The following CAMTA1 variants were observed in gnomAD, a reference collection of about 807,000 sequenced individuals.
CAMTA1 encodes calmodulin binding transcription activator 1.
In CAMTA1, 27 loss-of-function variants were observed where a neutral mutation model predicts 170.9. That is an observed-to-expected ratio of 0.16 (90% CI 0.12 to 0.22). The LOEUF (loss-of-function observed/expected upper bound fraction) is 0.22. Ranked by LOEUF, CAMTA1 falls within the 10% of genes least tolerant of loss-of-function variation. The pLI is 1.00. For missense variants in CAMTA1, 1,619 were observed against 2,217.2 expected (o/e 0.73, Z 5.42); for synonymous variants, 833 against 891.5 (o/e 0.93, Z 1.17).
intron 3 of CAMTA1, among the ~76,000 whole-genome samples, chr1:7,031,097 T>C (rs1702738238): frequency 6.6e-6 from 1 of 151,726 alleles, no homozygotes; most frequent in Admixed American, 6.6e-5. Flanking sequence ...TCCACCTGCC[T>C]TGGCCTCCCA....
chr1:7,091,317 A>G lies in CAMTA1; in HGVS notation c.248A>G (p.Tyr83Cys). Residue 83 changes from tyrosine (Y) to cysteine (C), a missense_variant, in exon 4 of 23, where the codon TAT (tyrosine) becomes TGT (cysteine). By Grantham distance (194) the Tyr-to-Cys change is radical (BLOSUM62 -2). Transcript: ENST00000303635. ...RWNTNEEIAA[Y>C]LITFEKHEEW... is the part of the protein sequence containing the mutation. ...CTTCTGTTTCAGGAAATTGCAGCTT[A>G]TTTAATAACATTTGAGAAACACGAA... The G allele has an allele frequency of 6.2e-7, 1 of 1,610,070 alleles. No homozygotes were observed. Among genetic ancestry groups the G allele is most frequent in the Non-Finnish European group, 8.5e-7 (1 of 1,176,266 alleles).
intron 3 of CAMTA1, among the ~76,000 whole-genome samples, chr1:7,088,652 G>A (rs1641066089): frequency 6.6e-6 from 1 of 152,144 alleles, no homozygotes; most frequent in Non-Finnish European, 1.5e-5. Flanking sequence ...AGTCTTCTTT[G>A]GATGTCCAGG....
At chr1:6,870,338 G>A (rs1668041286) in intron 3 of CAMTA1, among the ~76,000 whole-genome samples, 1 of 151,946 alleles carries the variant, frequency 6.6e-6, no homozygotes, top group African/African-American at 2.4e-5. Context: ...CTTTTCAGTA[G>A]CTATGCAACT....
chr1:7,277,772 C>T (rs2149440837), intron 5 of CAMTA1, among the ~76,000 whole-genome samples: 1 of 60,144 alleles, frequency 1.7e-5, no homozygotes, highest in Middle Eastern at 8.5e-3. Flanking sequence ...CACATACACA[C>T]ACTTTTTTTT....
chr1:7,133,325 T>G (rs1343166510), intron 4 of CAMTA1, among the ~76,000 whole-genome samples: 1 of 152,240 alleles, frequency 6.6e-6, no homozygotes, highest in African/African-American at 2.4e-5. Flanking sequence ...TCGTGTCTTT[T>G]AAGGATTTGT....
chr1:7,594,242 A>AAGGAAGGAAGGAAGGAAGG (rs59901874), intron 6 of CAMTA1, among the ~76,000 whole-genome samples: 4,961 of 123,434 alleles, frequency 0.04, 206 homozygotes, highest in South Asian at 0.07. Context: ...AGGAAGGAAG[A>AAGGAAGGAAGGAAGGAAGG]AAGAAAAGAA....
chr1:6,921,706 A>T (rs913648336), intron 3 of CAMTA1, among the ~76,000 whole-genome samples: 2 of 152,242 alleles, frequency 1.3e-5, no homozygotes, highest in African/African-American at 2.4e-5. Context: ...GGAGCAAGTC[A>T]CATCTTACAT....
rs184392164 is a variant in CAMTA1 at position 7,745,833 on chromosome 1, C to T, written c.4371-12C>T. The T allele has an allele frequency of 1.5e-4, 248 of 1,612,826 alleles. No individual in the cohort carries two copies. The African/African-American group carries it at 3.0e-3, about 19-fold the overall frequency. ...CATTAATCTGTCTCTCCTTTTTCTCCTCTTGTTTCAGAAGTGCATATAACG... is the reference window on the plus strand; with the variant it reads ...CATTAATCTGTCTCTCCTTTTTCTCTTCTTGTTTCAGAAGTGCATATAACG... On this transcript the variant is annotated splice_polypyrimidine_tract_variant and intron_variant, in intron 17 of 22. Coordinates refer to ENST00000303635, the MANE Select transcript of CAMTA1 (RefSeq NM_015215.4).
chr1:7,231,358 A>T (rs1477945932), intron 4 of CAMTA1, among the ~76,000 whole-genome samples: 1 of 107,450 alleles, frequency 9.3e-6, no homozygotes. Context: ...TGTGAGAGAG[A>T]GAGAGAGAGA....
chr1:7,508,535 C>G (rs938133069), intron 6 of CAMTA1, among the ~76,000 whole-genome samples: 3 of 152,212 alleles, frequency 2.0e-5, no homozygotes, highest in Non-Finnish European at 4.4e-5. Flanking sequence ...GTATGACCTC[C>G]CTGCTCACCC....
intron 6 of CAMTA1, among the ~76,000 whole-genome samples, chr1:7,505,411 C>T (rs557254899): frequency 5.3e-5 from 8 of 152,286 alleles, no homozygotes; most frequent in South Asian, 2.1e-4. Context: ...CAGTCCTGGG[C>T]GGCCCAGGAC....
Position 7,674,290 on chromosome 1 carries a change from C to T in CAMTA1, c.2779+3253C>T, listed in dbSNP as rs773463022. Among the ~76,000 whole-genome samples the T allele has an allele frequency of 1.3e-5, 2 of 152,090 alleles. No individual in the cohort carries two copies. Among genetic ancestry groups the T allele is most frequent in the African/African-American group, 2.4e-5 (1 of 41,422 alleles). On this transcript the variant is annotated intron_variant, in intron 10 of 22. Coordinates refer to ENST00000303635, the MANE Select transcript of CAMTA1 (RefSeq NM_015215.4). The surrounding 1 kb of genome is among the most constrained non-coding windows in gnomAD (Gnocchi z 4.1). ...GTGTCTTCTGCAAGACTCCAGGGTG[C>T]TTCAGGGGCAGGAGGGAGCCCACCA...
intron 6 of CAMTA1, among the ~76,000 whole-genome samples, chr1:7,490,219 G>A (rs1424568954): frequency 1.3e-5 from 2 of 152,192 alleles, no homozygotes; most frequent in Non-Finnish European, 1.5e-5. Flanking sequence ...ATGCCTCCTC[G>A]CATGGGATTG....
intron 6 of CAMTA1, among the ~76,000 whole-genome samples, chr1:7,508,548 A>T (rs2094155028): frequency 6.6e-6 from 1 of 152,198 alleles, no homozygotes; most frequent in African/African-American, 2.4e-5. Context: ...GCTCACCCTG[A>T]GTTCTCTGAG....
chr1:7,338,370 G>A (rs2083551504), intron 5 of CAMTA1, among the ~76,000 whole-genome samples: 1 of 152,206 alleles, frequency 6.6e-6, no homozygotes, highest in Non-Finnish European at 1.5e-5. Context: ...GGCACAAAGG[G>A]ATTGGCCTAG....
intron 6 of CAMTA1, among the ~76,000 whole-genome samples, chr1:7,531,261 T>C (rs901941066): frequency 1.3e-5 from 2 of 152,152 alleles, no homozygotes; most frequent in South Asian, 4.1e-4. Context: ...TTTTCCTGCC[T>C]TGTTGTCACT....
intron 6 of CAMTA1, 70 bp downstream of exon 6, chr1:7,467,971 G>A (rs1177889110): frequency 7.6e-7 from 1 of 1,314,876 alleles, no homozygotes; most frequent in Non-Finnish European, 1.1e-6. Context: ...GGCACTGAGG[G>A]CGCGGGGCTC....
intron 4 of CAMTA1, among the ~76,000 whole-genome samples, chr1:7,223,076 G>A (rs2149142495): frequency 6.6e-6 from 1 of 152,320 alleles, no homozygotes; most frequent in African/African-American, 2.4e-5. Flanking sequence ...CGCCCTTGCG[G>A]GCCACCCCCT....
intron 4 of CAMTA1, among the ~76,000 whole-genome samples, chr1:7,160,156 G>A (rs1329325567): frequency 6.6e-6 from 1 of 152,128 alleles, no homozygotes; most frequent in Non-Finnish European, 1.5e-5. Flanking sequence ...GGCTGAGGCA[G>A]GAGAATCATT....
Sources: gnomAD v4.1 joint callset for allele counts (sites outside exome capture counted in the v4.1 genomes callset) on GRCh38, gnomAD v4.1.1 for gene constraint, Gnocchi (gnomAD v3.1) non-coding constraint, MANE v1.5 for transcripts, NCBI Gene and HGNC (gene_info 2026-07-23, HGNC 2026-07-21) for gene names.